The following WDR7 variants were observed in gnomAD, a reference collection of about 807,000 sequenced individuals.
The protein encoded by WDR7 is WD repeat-containing protein 7.
A neutral mutation model predicts 169.4 loss-of-function variants in WDR7; 46 were observed. The observed-to-expected ratio is 0.27, with a 90% CI of 0.21 to 0.35. The LOEUF (loss-of-function observed/expected upper bound fraction) is 0.35, where lower values mean the gene tolerates loss of function less well. Among genes scored for constraint, WDR7 ranks in the 10% least tolerant of loss-of-function variants. WDR7 has a pLI of 1.00. For missense variants in WDR7, 1,534 were observed against 1,859.3 expected (o/e 0.83, Z 3.22); for synonymous variants, 612 against 666.8 (o/e 0.92, Z 1.27).
chr18:56,932,890 TG>T (rs2046908287), intron 22 of WDR7, among the ~76,000 whole-genome samples: 2 of 151,926 alleles, frequency 1.3e-5, no homozygotes, highest in Non-Finnish European at 2.9e-5. Flanking sequence ...TGTGTGTGTG[TG>T]TGTGTGTGTG....
chr18:56,697,292 A>T (rs2025725009), intron 12 of WDR7, among the ~76,000 whole-genome samples: 1 of 152,204 alleles, frequency 6.6e-6, no homozygotes, highest in Non-Finnish European at 1.5e-5. Flanking sequence ...TCTACAAGAT[A>T]TCTCATTTCA....
intron 20 of WDR7, among the ~76,000 whole-genome samples, chr18:56,840,839 A>G (rs970962154): frequency 3.3e-5 from 5 of 151,440 alleles, no homozygotes; most frequent in African/African-American, 1.2e-4. Flanking sequence ...AAAAAAAAAG[A>G]CCCCATTTCC....
At position 56,844,669 on chromosome 18, in the gene WDR7, C is replaced by A. The variant is rs1436870940; in HGVS notation, c.3304+28525C>A. Among the ~76,000 whole-genome samples the A allele has an allele frequency of 2.0e-5, 3 of 152,184 alleles. No homozygotes were observed. In the East Asian group the frequency reaches 5.8e-4, roughly 29 times the overall value. ...AACCTTACATTCAACAAGGTTCAAA[C>A]AAGGCCTTACAAGGCTAAAGGCTAC... is the stretch of plus-strand genomic sequence containing the variant. On this transcript the variant is annotated intron_variant, in intron 20 of 27. Transcript: ENST00000254442.
intron 21 of WDR7, among the ~76,000 whole-genome samples, chr18:56,883,263 T>C (rs895450455): frequency 4.0e-5 from 6 of 151,044 alleles, no homozygotes. Context: ...AATTGCTGAT[T>C]GGTTGCATTC....
At chr18:56,810,773 C>T (rs76684084) in intron 19 of WDR7, among the ~76,000 whole-genome samples, 3,883 of 152,158 alleles carry the variant, frequency 0.026, 70 homozygotes, top group Middle Eastern at 0.092. Context: ...TTTAAAAATT[C>T]AGCTTTATTG....
intron 21 of WDR7, among the ~76,000 whole-genome samples, chr18:56,922,584 G>A (rs1033392533): frequency 6.6e-6 from 1 of 152,240 alleles, no homozygotes; most frequent in East Asian, 1.9e-4. Flanking sequence ...TTTACTGCAG[G>A]AATTGTTAAT....
intron 2 of WDR7, among the ~76,000 whole-genome samples, chr18:56,672,999 T>C (rs1162261232): frequency 6.6e-6 from 1 of 152,196 alleles, no homozygotes; most frequent in Non-Finnish European, 1.5e-5. Context: ...AAACCTTCTA[T>C]GGTAAATGCT....
intron 26 of WDR7, among the ~76,000 whole-genome samples, chr18:56,997,974 C>CA (rs1370671250): frequency 1.3e-5 from 2 of 152,240 alleles, no homozygotes; most frequent in African/African-American, 4.8e-5. Context: ...TTTTCTTGAT[C>CA]ATCTTTCCAG....
At chr18:56,657,502 T>G (rs2024803179) in intron 1 of WDR7, among the ~76,000 whole-genome samples, 2 of 152,162 alleles carry the variant, frequency 1.3e-5, no homozygotes, top group African/African-American at 4.8e-5. Context: ...TTTTGTCCAT[T>G]TAATTCATGC....
At chr18:56,663,869 A>G (rs774134411) in intron 1 of WDR7, among the ~76,000 whole-genome samples, 4 of 152,158 alleles carry the variant, frequency 2.6e-5, no homozygotes, top group African/African-American at 7.2e-5. Flanking sequence ...TCAAATTAAA[A>G]AAAAACAACA....
intron 9 of WDR7, among the ~76,000 whole-genome samples, chr18:56,692,107 A>G (rs986644074): frequency 1.3e-5 from 2 of 152,226 alleles, no homozygotes; most frequent in Admixed American, 1.3e-4. Flanking sequence ...GGTGTAAATT[A>G]TTTTACATAC....
chr18:56,855,645 C>T (rs998375927), intron 20 of WDR7, among the ~76,000 whole-genome samples: 7 of 151,968 alleles, frequency 4.6e-5, no homozygotes, highest in Non-Finnish European at 7.4e-5. Context: ...TTTTTGCTTA[C>T]TTTATTCTGT....
At chr18:56,884,637 A>G (rs1394972243) in intron 21 of WDR7, among the ~76,000 whole-genome samples, 1 of 152,192 alleles carries the variant, frequency 6.6e-6, no homozygotes, top group East Asian at 1.9e-4. Flanking sequence ...GGCTGCAGCA[A>G]GCCAGGCCCA....
intron 19 of WDR7, among the ~76,000 whole-genome samples, chr18:56,796,085 A>G (rs761081527): frequency 4.3e-4 from 66 of 152,342 alleles, no homozygotes; most frequent in Non-Finnish European, 7.5e-4. Context: ...TGCACTAAAC[A>G]TATTTATAAC....
intron 14 of WDR7, among the ~76,000 whole-genome samples, chr18:56,747,839 C>A (rs1292511368): frequency 6.6e-6 from 1 of 151,970 alleles, no homozygotes; most frequent in African/African-American, 2.4e-5. Context: ...TCTACACGAG[C>A]ATGAACATTT....
intron 26 of WDR7, among the ~76,000 whole-genome samples, chr18:56,973,873 C>A (rs1359615838): frequency 1.3e-5 from 2 of 152,066 alleles, no homozygotes; most frequent in African/African-American, 2.4e-5. Flanking sequence ...GGACCTCAGC[C>A]CCAGAAGTCG....
intron 20 of WDR7, among the ~76,000 whole-genome samples, chr18:56,868,841 A>G (rs1276882743): frequency 6.6e-6 from 1 of 152,168 alleles, no homozygotes. Context: ...CAAAAAAGTT[A>G]GACGTTTTTG....
intron 20 of WDR7, among the ~76,000 whole-genome samples, chr18:56,867,740 T>A (rs767439984): frequency 3.9e-5 from 6 of 152,172 alleles, no homozygotes; most frequent in Non-Finnish European, 8.8e-5. Context: ...TTGTAATACA[T>A]GAATGAGTTA....
intron 20 of WDR7, among the ~76,000 whole-genome samples, chr18:56,852,812 A>C (rs2045661838): frequency 6.6e-6 from 1 of 152,174 alleles, no homozygotes; most frequent in African/African-American, 2.4e-5. Context: ...ATTTGAAATA[A>C]AAATATATAC....
Sources: gnomAD v4.1 joint callset for allele counts (sites outside exome capture counted in the v4.1 genomes callset) on GRCh38, gnomAD v4.1.1 for gene constraint, MANE v1.5 for transcripts, NCBI Gene and HGNC (gene_info 2026-07-23, HGNC 2026-07-21) for gene names.